The following NF1 variants were observed in gnomAD, a reference collection of about 807,000 sequenced individuals.
The protein encoded by NF1 is neurofibromin.
A neutral mutation model predicts 325.7 loss-of-function variants in NF1; 122 were observed. That is an observed-to-expected ratio of 0.37 (90% CI 0.32 to 0.44). The LOEUF (loss-of-function observed/expected upper bound fraction) is 0.44. Ranked by LOEUF, NF1 falls within the 20% of genes least tolerant of loss-of-function variation. The pLI, the probability that NF1 is intolerant of heterozygous loss-of-function variation, is 1.00. For synonymous variants in NF1, 1,091 were observed against 1,186.0 expected (o/e 0.92, Z 1.65); for missense variants, 2,140 against 3,415.4 (o/e 0.63, Z 9.31).
intron 52 of NF1, 187 bp downstream of exon 52, chr17:31,356,769 A>G: frequency 1.8e-6 from 2 of 1,121,376 alleles, no homozygotes; most frequent in South Asian, 1.5e-5. Flanking sequence ...TTAATCATAT[A>G]TATTATATAC....
At chr17:31,304,912 A>G in intron 36 of NF1, 1 of 1,614,172 alleles carries the variant, frequency 6.2e-7, no homozygotes, top group Non-Finnish European at 8.5e-7. Flanking sequence ...TTGATCATTT[A>G]AAACTGGTTT....
intron 36 of NF1, among the ~76,000 whole-genome samples, chr17:31,301,677 G>C (rs1247718388): frequency 6.6e-6 from 1 of 152,128 alleles, no homozygotes; most frequent in Non-Finnish European, 1.5e-5. Flanking sequence ...AAAGAGTGTT[G>C]AACCAATAGT....
rs2067135932 is a variant in NF1 at position 31,232,776 on chromosome 17, A to C, written c.3391A>C (p.Lys1131Gln). The change falls in exon 26 of 58, where the codon AAA becomes CAA. Residue 1131 changes from lysine to glutamine, a missense_variant. Physicochemically the swap from Lys to Gln is moderately conservative, Grantham distance 53 (BLOSUM62 1). Around this residue, in one of 10 missense-constraint regions of NF1, gnomAD observed 380 missense variants for 639.3 expected, o/e 0.59. Transcript: ENST00000358273. Reference protein sequence around the residue: ...EDESAQTGGRKRGMSRRLASL... With the variant: ...EDESAQTGGRQRGMSRRLASL... ...TGAAAGTGCGCAAACAGGTGGCAGG[A>C]AACGTGGCATGTCTCGGAGGCTGGC... 2 of 1,614,050 alleles carry C rather than the reference A, an allele frequency of 1.2e-6. No homozygotes were observed. Among genetic ancestry groups the C allele is most frequent in the African/African-American group, 1.3e-5 (1 of 75,014 alleles).
chr17:31,125,301 C>G (rs1914783771), intron 1 of NF1, among the ~76,000 whole-genome samples: 1 of 151,490 alleles, frequency 6.6e-6, no homozygotes, highest in African/African-American at 2.4e-5. Flanking sequence ...TACATTAGTT[C>G]ATTATTTGTA....
chr17:31,193,046 A>T (rs1019360004), intron 8 of NF1, among the ~76,000 whole-genome samples: 3 of 152,140 alleles, frequency 2.0e-5, no homozygotes, highest in African/African-American at 7.2e-5. Context: ...GGTTAAATGT[A>T]TATTCTTCCA....
chr17:31,327,312 A>G (rs1236486320), intron 37 of NF1, among the ~76,000 whole-genome samples, 187 bp from the exon 38 acceptor site: 1 of 152,172 alleles, frequency 6.6e-6, no homozygotes, highest in Non-Finnish European at 1.5e-5. Context: ...AAATTTTTAA[A>G]TGTTTTTTGT....
At chr17:31,135,707 T>C (rs1010952247) in intron 1 of NF1, among the ~76,000 whole-genome samples, 5 of 152,244 alleles carry the variant, frequency 3.3e-5, no homozygotes, top group South Asian at 2.1e-4. Flanking sequence ...GCTGGAACTA[T>C]AGGCATGTGC....
At chr17:31,287,411 TTA>T (rs1437672219) in intron 36 of NF1, among the ~76,000 whole-genome samples, 2 of 152,212 alleles carry the variant, frequency 1.3e-5, no homozygotes, top group Non-Finnish European at 2.9e-5. Flanking sequence ...GTGATAAACT[TTA>T]TGTCATGCTC....
chr17:31,307,927 C>G (rs749907463), intron 36 of NF1: 29 of 1,288,998 alleles, frequency 2.2e-5, no homozygotes, highest in Non-Finnish European at 2.8e-5. Context: ...GCTTACTCCT[C>G]TACCACTTGG....
chr17:31,105,556 C>A (rs922794618), intron 1 of NF1, among the ~76,000 whole-genome samples: 10 of 151,918 alleles, frequency 6.6e-5, no homozygotes, highest in African/African-American at 2.4e-4. Flanking sequence ...CTCTTGTTGC[C>A]CAGGCTGGAG....
chr17:31,333,427 T>C (rs1468640667), intron 39 of NF1, among the ~76,000 whole-genome samples: 1 of 152,212 alleles, frequency 6.6e-6, no homozygotes, highest in African/African-American at 2.4e-5. Context: ...AAATACATCA[T>C]GAAAGTATCT....
intron 8 of NF1, among the ~76,000 whole-genome samples, chr17:31,196,893 T>C (rs2143854465): frequency 6.6e-6 from 1 of 152,372 alleles, no homozygotes. Context: ...TCTGTATGAC[T>C]GTGCTTATGC....
chr17:31,097,286 C>T (rs1470702751), intron 1 of NF1, among the ~76,000 whole-genome samples: 1 of 151,784 alleles, frequency 6.6e-6, no homozygotes, highest in East Asian at 1.9e-4. Flanking sequence ...GGAGAAACCT[C>T]GTCTCTACTA....
intron 36 of NF1, chr17:31,320,429 C>T: frequency 6.2e-7 from 1 of 1,608,518 alleles, no homozygotes; most frequent in Non-Finnish European, 8.5e-7. Flanking sequence ...TCCTAAGCAA[C>T]ATGGATGCCA....
chr17:31,232,309 G>A lies in NF1; in HGVS notation c.3314+120G>A, dbSNP rs2067126811. ...GGATAGGAAAATAACTGTGTTTTGT[G>A]ATTTTTTTAAAGAAAGTAATATGAT... On this transcript the variant is annotated intron_variant, in intron 25 of 57. Coordinates refer to ENST00000358273, the MANE Select transcript of NF1 (RefSeq NM_001042492.3). 5 of 709,624 alleles carry A rather than the reference G, an allele frequency of 7.0e-6. No individual in the cohort carries two copies. In the East Asian group the frequency reaches 1.3e-4, roughly 18 times the overall value. 44.0% of individuals were successfully genotyped at this position (709,624 alleles called of 1,614,324 possible).
rs750603086 is a variant in NF1, at chr17:31,360,508, G to A, written c.8182G>A (p.Ala2728Thr). 4.3e-6 allele frequency: 7 copies of A among 1,613,986 alleles called. No individual in the cohort carries two copies. In the South Asian group the frequency reaches 7.7e-5, roughly 18 times the overall value. ...ACAGCAAACACAAATTCCAGACTAT[G>A]CTGAGCTTATTGTTAAGTTTCTTGA... ...FSKQTQIPDY[A>T]ELIVKFLDAL... Residue 2728 changes from alanine to threonine, a missense_variant, in exon 57 of 58, where the codon GCT becomes ACT. Coordinates refer to ENST00000358273, the MANE Select transcript of NF1 (RefSeq NM_001042492.3).
chr17:31,349,319 A>T (rs1005255615), intron 49 of NF1, 68 bp downstream of exon 49: 2 of 1,540,210 alleles, frequency 1.3e-6, no homozygotes, highest in African/African-American at 2.7e-5. Context: ...AAAAAGTACA[A>T]ATACCTATAG....
At chr17:31,187,509 C>T (rs1183497221) in intron 8 of NF1, among the ~76,000 whole-genome samples, 1 of 152,104 alleles carries the variant, frequency 6.6e-6, no homozygotes, top group Non-Finnish European at 1.5e-5. Flanking sequence ...TGGTCTTAAC[C>T]ATGTTCCCAA....
intron 18 of NF1, 97 bp from the exon 19 acceptor site, chr17:31,227,120 CT>C: frequency 1.6e-6 from 2 of 1,256,866 alleles, no homozygotes; most frequent in Non-Finnish European, 2.3e-6. Context: ...AGCATTTGCT[CT>C]GCTCTTCCTA....
Sources: gnomAD v4.1 joint callset for allele counts (sites outside exome capture counted in the v4.1 genomes callset) on GRCh38, gnomAD v4.1.1 for gene constraint, gnomAD v4.1.1 regional missense constraint, MANE v1.5 for transcripts, NCBI Gene and HGNC (gene_info 2026-07-23, HGNC 2026-07-21) for gene names.